The following SFRP1 variants were observed in gnomAD, a reference collection of about 807,000 sequenced individuals.
The protein encoded by SFRP1 is secreted frizzled related protein 1.
A neutral mutation model predicts 25.9 loss-of-function variants in SFRP1; 9 were observed. The observed-to-expected ratio is 0.35, with a 90% confidence interval of 0.21 to 0.61. The LOEUF (loss-of-function observed/expected upper bound fraction) is 0.61. Among genes scored for constraint, SFRP1 ranks in the 20% least tolerant of loss-of-function variants. SFRP1 has a pLI of 0.78. For missense variants in SFRP1, 346 were observed against 418.2 expected, an observed-to-expected ratio of 0.83 and a Z score of 1.51; for synonymous variants, 178 against 174.0, an observed-to-expected ratio of 1.02 and a Z score of -0.18.
chr8:41,265,306 AG>A lies in SFRP1; in HGVS notation c.805del (p.Leu269SerfsTer7), dbSNP rs906090097. 6.2e-6 allele frequency: 10 copies of A among 1,614,012 alleles called. No individual in the cohort carries two copies. In the Admixed American group the frequency reaches 1.0e-4, roughly 16 times the overall value. On this transcript the variant is annotated frameshift_variant, in exon 3 of 3. Transcript: ENST00000220772. LOFTEE classifies it high-confidence loss of function. ...HQLDNLSHHF[L>X]IMGRKVKSQY... The stretch of plus-strand genomic sequence containing the variant: ...GCTCTTCACCTTGCGGCCCATGATG[AG>A]GAAGTGGTGGCTGAGGTTGTCCAGC...
chr8:41,296,067 A>G (rs192194124), intron 2 of SFRP1, among the ~76,000 whole-genome samples: 30 of 152,334 alleles, frequency 2.0e-4, no homozygotes, highest in Non-Finnish European at 4.0e-4. Context: ...TGGCTCTTGC[A>G]CACACTGACT....
chr8:41,283,881 T>G (rs1474218255), intron 2 of SFRP1, among the ~76,000 whole-genome samples: 1 of 152,154 alleles, frequency 6.6e-6, no homozygotes, highest in Non-Finnish European at 1.5e-5. Flanking sequence ...CCAATTTTCT[T>G]GTATCTATTG....
intron 2 of SFRP1, among the ~76,000 whole-genome samples, chr8:41,302,370 T>C (rs1803933475): frequency 2.0e-5 from 3 of 152,218 alleles, no homozygotes; most frequent in Non-Finnish European, 1.5e-5. Flanking sequence ...CTCCCACATG[T>C]GTGCAGCTTA....
chr8:41,263,798 ACTCT>A lies in SFRP1; in HGVS notation c.*1365_*1368del, dbSNP rs1345906090. 1 of 151,728 alleles carries A rather than the reference ACTCT, an allele frequency of 6.6e-6. No homozygotes were observed. The highest frequency in any genetic ancestry group is 2.4e-5 in the African/African-American group (1 of 41,282). The allele number at this position is 151,728 out of a possible 1,614,324, so 9.4% of individuals were successfully genotyped here. On this transcript the variant is annotated 3_prime_UTR_variant, in exon 3 of 3. Transcript: ENST00000220772. ...ACTGCAGAGATGTTTTGCTTTTGAA[ACTCT>A]CTCGCTGGATGGGGACACCCCACCC...
chr8:41,299,892 C>T (rs1016480025), intron 2 of SFRP1, among the ~76,000 whole-genome samples: 1 of 152,096 alleles, frequency 6.6e-6, no homozygotes, highest in Non-Finnish European at 1.5e-5. Context: ...GTAGTACAAA[C>T]TGAACAGTGT....
At chr8:41,266,537 G>A (rs541074849) in intron 2 of SFRP1, among the ~76,000 whole-genome samples, 2 of 151,854 alleles carry the variant, frequency 1.3e-5, no homozygotes, top group South Asian at 2.1e-4. Flanking sequence ...CCGGGCTCAA[G>A]CAATTCTCCC....
intron 2 of SFRP1, among the ~76,000 whole-genome samples, chr8:41,298,773 C>T (rs1803874566): frequency 1.3e-5 from 2 of 152,100 alleles, no homozygotes; most frequent in African/African-American, 2.4e-5. Flanking sequence ...TCAAACATAC[C>T]CCATAAATAT....
rs60062778 is a variant in SFRP1 at position 41,307,804 on chromosome 8, G to A, written c.544+812C>T. 7.9e-3 allele frequency among the ~76,000 whole-genome samples: 1,196 copies of A among 152,262 alleles called. 19 individuals carry two copies. The highest frequency in any genetic ancestry group is 0.027 in the African/African-American group (1,141 of 41,530). On this transcript the variant is annotated intron_variant, in intron 1 of 2. Transcript: ENST00000220772. ...AGAGGAACCTCGGGCCGGTCCCTCA[G>A]GCTGTTAGGAAAGTCTGCATTTTGC...
At chr8:41,283,368 C>G (rs1267290518) in intron 2 of SFRP1, among the ~76,000 whole-genome samples, 1 of 152,094 alleles carries the variant, frequency 6.6e-6, no homozygotes. Context: ...TTAGACAGAG[C>G]TGGTGGCCAG....
chr8:41,278,650 C>T (rs1299652838), intron 2 of SFRP1, among the ~76,000 whole-genome samples: 3 of 152,138 alleles, frequency 2.0e-5, no homozygotes, highest in African/African-American at 7.2e-5. Flanking sequence ...TGCATGTGCC[C>T]GAGGCCAGCC....
At chr8:41,286,072 C>T (rs1012230840) in intron 2 of SFRP1, among the ~76,000 whole-genome samples, 3 of 151,992 alleles carry the variant, frequency 2.0e-5, no homozygotes, top group Admixed American at 2.0e-4. Context: ...CCAGCCGGCC[C>T]AGACCCGATT....
chr8:41,291,121 G>A (rs1803774261), intron 2 of SFRP1, among the ~76,000 whole-genome samples: 1 of 151,424 alleles, frequency 6.6e-6, no homozygotes, highest in Non-Finnish European at 1.5e-5. Flanking sequence ...TGTTAGCCAG[G>A]ACGGTCTCGA....
chr8:41,283,862 CA>C (rs749429729), intron 2 of SFRP1, among the ~76,000 whole-genome samples: 1 of 152,172 alleles, frequency 6.6e-6, no homozygotes, highest in Non-Finnish European at 1.5e-5. Flanking sequence ...CACGCCCGGC[CA>C]AACTCCTCCA....
chr8:41,286,963 T>G (rs1236397871), intron 2 of SFRP1, among the ~76,000 whole-genome samples: 1 of 152,190 alleles, frequency 6.6e-6, no homozygotes, highest in African/African-American at 2.4e-5. Flanking sequence ...CTGTGGGTCA[T>G]GCCTCTGGCT....
intron 2 of SFRP1, among the ~76,000 whole-genome samples, chr8:41,274,147 C>A (rs1012513020): frequency 6.6e-6 from 1 of 152,182 alleles, no homozygotes; most frequent in Admixed American, 6.5e-5. Flanking sequence ...GACAGCCTAT[C>A]GTGAGACTTC....
At chr8:41,302,470 C>T (rs1803935329) in intron 2 of SFRP1, among the ~76,000 whole-genome samples, 1 of 152,228 alleles carries the variant, frequency 6.6e-6, no homozygotes, top group African/African-American at 2.4e-5. Flanking sequence ...AATGGACTCA[C>T]ATCACCTATC....
intron 2 of SFRP1, among the ~76,000 whole-genome samples, chr8:41,266,352 G>T (rs573693620): frequency 1.3e-5 from 2 of 152,112 alleles, no homozygotes; most frequent in African/African-American, 4.8e-5. Flanking sequence ...GAGAAAAAAG[G>T]GTCCTATAAC....
chr8:41,307,164 T>C (rs571087493), intron 1 of SFRP1, among the ~76,000 whole-genome samples: 1 of 152,188 alleles, frequency 6.6e-6, no homozygotes, highest in South Asian at 2.1e-4. Flanking sequence ...ACAAGGCGCT[T>C]TGTTTGCTCC....
At chr8:41,302,639 A>G (rs116716276) in intron 2 of SFRP1, among the ~76,000 whole-genome samples, 1,730 of 152,258 alleles carry the variant, frequency 0.011, 29 homozygotes, top group African/African-American at 0.04. Flanking sequence ...GAGGCGAGAG[A>G]GAGGGAGCTG....
Sources: gnomAD v4.1 joint callset for allele counts (sites outside exome capture counted in the v4.1 genomes callset) on GRCh38, gnomAD v4.1.1 for gene constraint, MANE v1.5 for transcripts, NCBI Gene and HGNC (gene_info 2026-07-23, HGNC 2026-07-21) for gene names.